The following MEIS2 variants were observed in gnomAD, a reference collection of about 807,000 sequenced individuals.
The protein encoded by MEIS2 is homeobox protein Meis2.
MEIS2 carries 9 observed loss-of-function variants against 58.6 expected under a neutral mutation model. The observed-to-expected ratio is 0.15, with a 90% CI of 0.09 to 0.27. The LOEUF is 0.27. Among genes scored for constraint, MEIS2 ranks in the 10% least tolerant of loss-of-function variants. MEIS2 has a pLI of 1.00. For synonymous variants in MEIS2, 221 were observed against 228.4 expected (o/e 0.97, Z 0.29); for missense variants, 427 against 635.0 (o/e 0.67, Z 3.52).
At chr15:36,962,183 T>G (rs2059206892) in intron 8 of MEIS2, among the ~76,000 whole-genome samples, 1 of 152,242 alleles carries the variant, frequency 6.6e-6, no homozygotes, top group African/African-American at 2.4e-5. Context: ...GTCAAAACTC[T>G]CTAGCATTTC....
chr15:37,062,945 G>A (rs1889417225), intron 7 of MEIS2, among the ~76,000 whole-genome samples: 1 of 152,136 alleles, frequency 6.6e-6, no homozygotes, highest in Non-Finnish European at 1.5e-5. Flanking sequence ...TCTTCAGTAT[G>A]GCAATTCCAA....
At chr15:37,005,982 G>C (rs1227355860) in intron 8 of MEIS2, among the ~76,000 whole-genome samples, 1 of 152,198 alleles carries the variant, frequency 6.6e-6, no homozygotes, top group Non-Finnish European at 1.5e-5. Context: ...TCAATGAAAT[G>C]GGGGGTTCTG....
chr15:36,912,052 A>AG (rs35982032), intron 9 of MEIS2, among the ~76,000 whole-genome samples: 52,495 of 151,932 alleles, frequency 0.35, 9,718 homozygotes, highest in Non-Finnish European at 0.44. Context: ...TATAAGCCCT[A>AG]GGGGGGATAA....
chr15:37,098,425 A>AGGGAG, intron 1 of MEIS2: 1 of 1,176,882 alleles, frequency 8.5e-7, no homozygotes, highest in Non-Finnish European at 1.1e-6. Context: ...AGAGAGAGAG[A>AGGGAG]AAATAAAAAT....
At position 36,992,039 on chromosome 15, in the gene MEIS2, G is replaced by T. The variant is rs531765983; in HGVS notation, c.901-41639C>A. 6.1e-5 allele frequency among the ~76,000 whole-genome samples: 8 copies of T among 132,086 alleles called. No homozygotes were observed. The South Asian group carries it at 2.4e-3, about 40-fold the overall frequency. 86.7% of individuals were successfully genotyped at this position (132,086 alleles called of 152,430 possible). On this transcript the variant is annotated intron_variant, in intron 8 of 11. Coordinates refer to ENST00000561208, the MANE Select transcript of MEIS2 (RefSeq NM_170675.5). ...CCTGACCTCGTGATCCGCCCGCCTC[G>T]GCCTCCCAAAGTGCTGGGATTACAG...
At chr15:37,026,144 T>C (rs1368719218) in intron 8 of MEIS2, among the ~76,000 whole-genome samples, 1 of 152,154 alleles carries the variant, frequency 6.6e-6, no homozygotes, top group Non-Finnish European at 1.5e-5. Flanking sequence ...ACCTATAACT[T>C]TTCACCATGG....
intron 8 of MEIS2, among the ~76,000 whole-genome samples, chr15:37,012,246 C>A (rs2141638637): frequency 6.6e-6 from 1 of 152,274 alleles, no homozygotes; most frequent in African/African-American, 2.4e-5. Flanking sequence ...TTCAATATAG[C>A]AGCAAGATTT....
intron 8 of MEIS2, among the ~76,000 whole-genome samples, chr15:36,960,167 T>G (rs2059133225): frequency 6.6e-6 from 1 of 152,280 alleles, no homozygotes; most frequent in South Asian, 2.1e-4. Context: ...ACCATAAGAA[T>G]GCACTGAAGG....
At chr15:36,936,345 GTCA>G (rs1193888843) in intron 9 of MEIS2, among the ~76,000 whole-genome samples, 10 of 151,968 alleles carry the variant, frequency 6.6e-5, no homozygotes, top group African/African-American at 1.2e-4. Flanking sequence ...ACAGGTGCCT[GTCA>G]CCACGCCCAG....
chr15:37,034,265 G>A (rs1462527915), intron 8 of MEIS2, among the ~76,000 whole-genome samples: 2 of 152,116 alleles, frequency 1.3e-5, no homozygotes, highest in African/African-American at 4.8e-5. Context: ...TTTGAAAAAT[G>A]GGGAAACAGA....
chr15:36,921,293 A>T (rs1204240585), intron 9 of MEIS2, among the ~76,000 whole-genome samples: 2 of 152,222 alleles, frequency 1.3e-5, no homozygotes, highest in Admixed American at 6.5e-5. Context: ...AAGAAGCAGC[A>T]TGGAAAAGAA....
intron 8 of MEIS2, among the ~76,000 whole-genome samples, chr15:37,029,644 T>C (rs1018348111): frequency 1.3e-5 from 2 of 152,120 alleles, no homozygotes; most frequent in African/African-American, 2.4e-5. Flanking sequence ...TTCAAGCAGC[T>C]AGAAAGCCAA....
At chr15:37,002,916 A>G (rs566707284) in intron 8 of MEIS2, among the ~76,000 whole-genome samples, 1 of 152,274 alleles carries the variant, frequency 6.6e-6, no homozygotes, top group East Asian at 1.9e-4. Context: ...AATTTGTTTT[A>G]TTTTTAAATT....
At chr15:36,971,537 TAAAAAAAAAA>T (rs71126247) in intron 8 of MEIS2, among the ~76,000 whole-genome samples, 8 of 67,114 alleles carry the variant, frequency 1.2e-4, no homozygotes, top group South Asian at 6.5e-4. Flanking sequence ...CTTGTTACAT[TAAAAAAAAAA>T]AAAAAAAAAA....
At chr15:36,935,788 C>T (rs1281536514) in intron 9 of MEIS2, among the ~76,000 whole-genome samples, 1 of 151,554 alleles carries the variant, frequency 6.6e-6, no homozygotes, top group African/African-American at 2.4e-5. Context: ...CCCTCTGTAT[C>T]TCAGTTTTTT....
intron 9 of MEIS2, among the ~76,000 whole-genome samples, chr15:36,934,377 G>C (rs1299650326): frequency 1.3e-5 from 2 of 151,992 alleles, no homozygotes; most frequent in African/African-American, 4.8e-5. Context: ...GGGAAAAGAA[G>C]CTTTTTTAAG....
At chr15:36,929,388 A>G (rs72708687) in intron 9 of MEIS2, among the ~76,000 whole-genome samples, 6,729 of 152,300 alleles carry the variant, frequency 0.044, 179 homozygotes, top group Middle Eastern at 0.092. Context: ...TTCCTTGTGC[A>G]TGCAACTATT....
chr15:37,009,236 C>A (rs978144363), intron 8 of MEIS2, among the ~76,000 whole-genome samples: 3 of 152,120 alleles, frequency 2.0e-5, no homozygotes, highest in African/African-American at 7.2e-5. Flanking sequence ...TTGCAGTGAG[C>A]CGAGATCGCG....
intron 8 of MEIS2, among the ~76,000 whole-genome samples, chr15:37,034,241 A>G (rs1186807972): frequency 6.6e-6 from 1 of 152,198 alleles, no homozygotes; most frequent in Non-Finnish European, 1.5e-5. Context: ...CCATCCTGCA[A>G]CGTGTCCCTC....
Sources: gnomAD v4.1 joint callset for allele counts (sites outside exome capture counted in the v4.1 genomes callset) on GRCh38, gnomAD v4.1.1 for gene constraint, MANE v1.5 for transcripts, NCBI Gene and HGNC (gene_info 2026-07-23, HGNC 2026-07-21) for gene names.